The following USP6 variants were observed in gnomAD, a reference collection of about 807,000 sequenced individuals.
USP6 encodes the protein ubiquitin specific peptidase 6, also known as ubiquitin carboxyl-terminal hydrolase 6.
Under a neutral mutation model 175.7 loss-of-function variants are expected in USP6, and 128 were observed. The ratio of observed to expected loss-of-function variants is 0.73; its 90% confidence interval spans 0.63 to 0.84. The LOEUF (loss-of-function observed/expected upper bound fraction) is 0.84. USP6 is among the 40% of genes least tolerant of loss of function. The pLI is 0.00. For missense variants in USP6, 1,498 were observed against 1,760.3 expected (o/e 0.85, Z 2.67); for synonymous variants, 562 against 630.6 (o/e 0.89, Z 1.63).
In USP6 at chr17:5,170,471, G is replaced by A; in HGVS notation, c.3518-8G>A. The A allele has an allele frequency of 1.2e-6, 2 of 1,600,338 alleles. No homozygotes were observed. The highest frequency in any genetic ancestry group is 2.2e-5 in the East Asian group (1 of 44,794). On this transcript the variant is annotated splice_region_variant and splice_polypyrimidine_tract_variant and intron_variant, in intron 35 of 37. Transcript: ENST00000574788. Reference sequence around the variant, plus strand: ...ATTTGTGAATCTTTTCTTCTGTCCTGTTCACAGGTTCTCCTTCTTCATCAA... The same window carrying A: ...ATTTGTGAATCTTTTCTTCTGTCCTATTCACAGGTTCTCCTTCTTCATCAA...
chr17:5,153,879 C>T (rs2073827683), intron 30 of USP6, among the ~76,000 whole-genome samples: 1 of 152,192 alleles, frequency 6.6e-6, no homozygotes, highest in Non-Finnish European at 1.5e-5. Context: ...TGGTCTCGCA[C>T]TCCTGACCTC....
At chr17:5,151,215 T>C (rs77087332) in intron 30 of USP6, among the ~76,000 whole-genome samples, 19,211 of 151,768 alleles carry the variant, frequency 0.13, 1,385 homozygotes, top group African/African-American at 0.17. Flanking sequence ...AATTAAATGC[T>C]GAGAAAAAAA....
rs1303510722 is a variant in USP6, at chr17:5,167,920, C to G, written c.3037-12C>G. 3.1e-6 allele frequency: 5 copies of G among 1,605,948 alleles called. No homozygotes were observed. The highest frequency in any genetic ancestry group is 4.3e-6 in the Non-Finnish European group (5 of 1,175,212). On this transcript the variant is annotated splice_polypyrimidine_tract_variant and intron_variant, in intron 33 of 37. Transcript: ENST00000574788. ...CCACACACCCCTTTCCTCCTGTTCC[C>G]TCTACCTACAGGTTGTAGATAAGCA...
intron 33 of USP6, among the ~76,000 whole-genome samples, chr17:5,164,788 G>A (rs2074067817): frequency 6.6e-6 from 1 of 152,216 alleles, no homozygotes; most frequent in Non-Finnish European, 1.5e-5. Flanking sequence ...AGATACTGTG[G>A]TTTAAATTGG....
At chr17:5,133,395 C>T (rs1193217238) in intron 13 of USP6, 48 bp from the exon 14 acceptor site, 1 of 1,556,948 alleles carries the variant, frequency 6.4e-7, no homozygotes. Context: ...CTGGTCCTCA[C>T]TGGGGTCACC....
chr17:5,150,106 A>G (rs2073722500), intron 30 of USP6, among the ~76,000 whole-genome samples: 1 of 152,056 alleles, frequency 6.6e-6, no homozygotes, highest in Non-Finnish European at 1.5e-5. Flanking sequence ...AGCCTGGCCA[A>G]TATGGTGAAA....
intron 33 of USP6, 88 bp from the exon 34 acceptor site, chr17:5,167,844 T>G: frequency 1.4e-6 from 2 of 1,452,920 alleles, no homozygotes; most frequent in Non-Finnish European, 1.9e-6. Flanking sequence ...AAAATAAGGG[T>G]GAGTGACCGA....
At chr17:5,146,198 CTT>C (rs1443373642) in intron 28 of USP6, 24 bp downstream of exon 28, 2 of 1,568,600 alleles carry the variant, frequency 1.3e-6, no homozygotes, top group Non-Finnish European at 1.7e-6. Flanking sequence ...CTCTAAGAAA[CTT>C]TTGATTCTAT....
In USP6 at chr17:5,144,805, A is replaced by T. The variant is rs773774641; in HGVS notation, c.1934A>T (p.Lys645Met). The change falls in exon 26 of 38, where the codon AAG becomes ATG. Residue 645 changes from lysine (K) to methionine (M), a missense_variant. Physicochemically the swap from Lys to Met is moderately conservative, Grantham distance 95. Transcript: ENST00000574788. Reference protein sequence around the residue: ...LHEDLNRVHEKPYVELKDSDG... With the variant: ...LHEDLNRVHEMPYVELKDSDG... ...GAAGATCTCAACCGAGTCCATGAAA[A>T]GCCATATGTGGAACTGAAGGACAGT... is the stretch of plus-strand genomic sequence containing the variant. The T allele has an allele frequency of 1.1e-4, 171 of 1,613,452 alleles. No homozygotes were observed. Among genetic ancestry groups the T allele is most frequent in the Non-Finnish European group, 1.1e-4 (134 of 1,179,562 alleles).
At chr17:5,125,445 C>A (rs563207856) in intron 5 of USP6, among the ~76,000 whole-genome samples, 173 bp downstream of exon 5, 3 of 152,138 alleles carry the variant, frequency 2.0e-5, no homozygotes, top group African/African-American at 7.2e-5. Flanking sequence ...AGGTTGGGAA[C>A]CACTGGTGTA....
At chr17:5,127,016 C>T (rs992958912) in intron 6 of USP6, 27 of 151,856 alleles carry the variant, frequency 1.8e-4, no homozygotes, top group African/African-American at 5.3e-4. Flanking sequence ...CGACTGACCC[C>T]GCACCAGGGT....
At position 5,152,948 on chromosome 17, in the gene USP6, A is replaced by T. The variant is rs1157842544; in HGVS notation, c.2644-2474A>T. On this transcript the variant is annotated intron_variant, in intron 30 of 37. Coordinates refer to ENST00000574788, the MANE Select transcript of USP6 (RefSeq NM_001304284.2). ...AAAGTGGAGGTTGCAGCAAGCTGAG[A>T]TCACACCACTATGCTCCAGCCTCGA... Among the ~76,000 whole-genome samples, 4 of 152,200 alleles carry T rather than the reference A, an allele frequency of 2.6e-5. No individual in the cohort carries two copies. In the East Asian group the frequency reaches 7.7e-4, roughly 29 times the overall value.
chr17:5,171,456 AG>A (rs754487619), intron 36 of USP6, 130 bp from the exon 37 acceptor site: 45 of 831,828 alleles, frequency 5.4e-5, no homozygotes, highest in Non-Finnish European at 7.4e-5. Flanking sequence ...TTAGAGAAAG[AG>A]GGTTCTAAAA....
intron 31 of USP6, among the ~76,000 whole-genome samples, chr17:5,158,653 GAGAGAGA>G (rs2073943428): frequency 6.7e-6 from 1 of 149,546 alleles, no homozygotes; most frequent in African/African-American, 2.5e-5. Context: ...GAGAGAGAGA[GAGAGAGA>G]GAGAGAGAGA....
At chr17:5,118,850 C>CT (rs2072589381) in intron 2 of USP6, among the ~76,000 whole-genome samples, 1 of 152,202 alleles carries the variant, frequency 6.6e-6, no homozygotes, top group South Asian at 2.1e-4. Context: ...CATCTACTGA[C>CT]TGAGTCTGGG....
rs956954223 is a variant in USP6, at chr17:5,173,480, G to A, written c.*502G>A. 4 of 220,662 alleles carry A rather than the reference G, an allele frequency of 1.8e-5. No individual in the cohort carries two copies. Among genetic ancestry groups the A allele is most frequent in the Non-Finnish European group, 3.6e-5 (4 of 110,068 alleles). The allele number at this position is 220,662 out of a possible 1,614,324, so 13.7% of individuals were successfully genotyped here. On this transcript the variant is annotated 3_prime_UTR_variant, in exon 38 of 38. Transcript: ENST00000574788. The stretch of plus-strand genomic sequence containing the variant: ...GGTGTGCAAATGATTCTTACGGCAT[G>A]GACAAGGATTTTTCAATTTATTTTT...
At chr17:5,126,053 G>C (rs2072884750) in intron 6 of USP6, 115 bp downstream of exon 6, 1 of 152,266 alleles carries the variant, frequency 6.6e-6, no homozygotes, top group African/African-American at 2.4e-5. Flanking sequence ...GGGATTACAG[G>C]CGTGAGTCAC....
Position 5,135,960 on chromosome 17 carries a change from C to T in USP6, c.664+32C>T, listed in dbSNP as rs200710205. ...GAACAGCTGCCCGTGGGGCCTCACGCAGCCAGACCCGGGAAAGCCACTGTG... is the reference window on the plus strand; with the variant it reads ...GAACAGCTGCCCGTGGGGCCTCACGTAGCCAGACCCGGGAAAGCCACTGTG... On this transcript the variant is annotated intron_variant, in intron 17 of 37. Transcript: ENST00000574788. The T allele has an allele frequency of 3.8e-4, 604 of 1,597,372 alleles. 2 individuals are homozygous for T. Among genetic ancestry groups the T allele is most frequent in the Middle Eastern group, 1.6e-3 (7 of 4,492 alleles).
chr17:5,124,295 G>A (rs1309833190), intron 4 of USP6, among the ~76,000 whole-genome samples: 4 of 152,242 alleles, frequency 2.6e-5, no homozygotes, highest in South Asian at 2.1e-4. Context: ...GAGGTTGGGC[G>A]GTACCACCCC....
Sources: gnomAD v4.1 joint callset for allele counts (sites outside exome capture counted in the v4.1 genomes callset) on GRCh38, gnomAD v4.1.1 for gene constraint, MANE v1.5 for transcripts, NCBI Gene and HGNC (gene_info 2026-07-23, HGNC 2026-07-21) for gene names.